Variants in CD9 observed in about 807,000 individuals in gnomAD.
CD9 encodes the protein CD9 molecule.
In CD9, 10 loss-of-function variants were observed where a neutral mutation model predicts 31.4. That is an observed-to-expected ratio of 0.32 (90% confidence interval 0.20 to 0.54). CD9 has a LOEUF of 0.54. Among genes scored for constraint, CD9 ranks in the 20% least tolerant of loss-of-function variants. CD9 has a pLI of 0.94. For missense variants in CD9, 259 were observed against 300.1 expected (o/e 0.86, Z 1.01); for synonymous variants, 113 against 114.1 (o/e 0.99, Z 0.06).
intron 1 of CD9, among the ~76,000 whole-genome samples, chr12:6,216,249 T>G (rs1374191471): frequency 1.3e-5 from 2 of 152,208 alleles, no homozygotes; most frequent in East Asian, 3.9e-4. Flanking sequence ...AGGGCCTATC[T>G]CCACTTCTGT....
chr12:6,201,449 C>A (rs1336413145), intron 1 of CD9, among the ~76,000 whole-genome samples: 1 of 152,220 alleles, frequency 6.6e-6, no homozygotes, highest in Non-Finnish European at 1.5e-5. Context: ...TCCCCGCCAG[C>A]CCAGGCGGCC....
At position 6,235,399 on chromosome 12, in the gene CD9, A is replaced by G. The variant is rs112835957; in HGVS notation, c.447+72A>G. The G allele has an allele frequency of 1.3e-5, 21 of 1,614,064 alleles. No homozygotes were observed. In the African/African-American group the frequency reaches 1.6e-4, roughly 12 times the overall value. On this transcript the variant is annotated intron_variant, in intron 5 of 7. Coordinates refer to ENST00000009180, the MANE Select transcript of CD9 (RefSeq NM_001769.4). ...TGTCTGCACACAGGGTGCTGACTGC[A>G]CCAGACCAGTGCAAACATTCTAATC...
At chr12:6,215,806 G>A (rs565673658) in intron 1 of CD9, among the ~76,000 whole-genome samples, 29 of 152,216 alleles carry the variant, frequency 1.9e-4, no homozygotes, top group African/African-American at 6.0e-4. Context: ...TAGAAATTCC[G>A]CCATGAGCTA....
At chr12:6,233,658 G>A (rs1010891701) in intron 4 of CD9, among the ~76,000 whole-genome samples, 172 bp downstream of exon 4, 4 of 152,130 alleles carry the variant, frequency 2.6e-5, no homozygotes, top group African/African-American at 9.7e-5. Context: ...GGCAGGGAAT[G>A]TCAGTGCGCT....
Position 6,235,246 on chromosome 12 carries a change from G to T in CD9, c.366G>T (p.Gln122His). Residue 122 changes from glutamine (Q) to histidine (H), a missense_variant, in exon 5 of 8, where the codon CAG (glutamine) becomes CAT (histidine). Gln to His is a conservative substitution (Grantham distance 24). Transcript: ENST00000009180. ...CATTGTAGGTGATTAAGGAAGTCCA[G>T]GAGTTTTACAAGGACACCTACAACA... is the stretch of plus-strand genomic sequence containing the variant. ...SHKDEVIKEV[Q>H]EFYKDTYNKL... 1 of 1,607,254 alleles carries T rather than the reference G, an allele frequency of 6.2e-7. No individual in the cohort carries two copies. Among genetic ancestry groups the T allele is most frequent in the South Asian group, 1.1e-5 (1 of 91,016 alleles).
At chr12:6,213,545 A>G (rs1041733094) in intron 1 of CD9, among the ~76,000 whole-genome samples, 12 of 152,244 alleles carry the variant, frequency 7.9e-5, no homozygotes, top group Non-Finnish European at 1.3e-4. Flanking sequence ...CTTCATGTCC[A>G]CACCAAGAAG....
intron 1 of CD9, among the ~76,000 whole-genome samples, chr12:6,209,845 C>T (rs551793811): frequency 4.6e-5 from 7 of 152,110 alleles, no homozygotes; most frequent in South Asian, 2.1e-4. Context: ...CCACCATGCC[C>T]GGCTAATTTT....
chr12:6,236,557 G>T, intron 7 of CD9: 2 of 496,406 alleles, frequency 4.0e-6, no homozygotes, highest in Non-Finnish European at 7.1e-6. Context: ...GGCAGTGCTG[G>T]CACTGCTAGT....
At chr12:6,233,162 T>C in intron 3 of CD9, 1 of 669,442 alleles carries the variant, frequency 1.5e-6, no homozygotes, top group Admixed American at 2.2e-5. Context: ...TTGTAAATGC[T>C]AGTTCTGGGC....
intron 1 of CD9, among the ~76,000 whole-genome samples, chr12:6,223,508 G>A (rs186987677): frequency 3.3e-4 from 50 of 152,200 alleles, no homozygotes; most frequent in African/African-American, 1.1e-3. Flanking sequence ...TGATCCACCC[G>A]CCTCAGCCTT....
At chr12:6,215,906 G>T (rs532612882) in intron 1 of CD9, among the ~76,000 whole-genome samples, 2 of 152,298 alleles carry the variant, frequency 1.3e-5, no homozygotes, top group East Asian at 3.9e-4. Flanking sequence ...TCTTGTTCCC[G>T]GTGTTTACTG....
Position 6,232,576 on chromosome 12 carries a change from C to G in CD9, c.176-56C>G. The stretch of plus-strand genomic sequence containing the variant: ...AGGGAAACAGGAATTGCCGGAGATG[C>G]CTGGGCCTCTGAACTGATGTCTCCA... On this transcript the variant is annotated intron_variant, in intron 2 of 7. Transcript: ENST00000009180. The surrounding 1 kb of genome is among the most constrained non-coding windows in gnomAD (Gnocchi z 4.8). 2.8e-6 allele frequency: 3 copies of G among 1,082,900 alleles called. No individual in the cohort carries two copies. Among genetic ancestry groups the G allele is most frequent in the Non-Finnish European group, 2.7e-6 (2 of 727,340 alleles). The allele number at this position is 1,082,900 out of a possible 1,614,324, so 67.1% of individuals were successfully genotyped here.
Position 6,200,584 on chromosome 12 carries a change from C to T in CD9, c.66+19C>T, listed in dbSNP as rs565997727. The T allele has an allele frequency of 1.3e-6, 2 of 1,574,860 alleles. No individual in the cohort carries two copies. The highest frequency in any genetic ancestry group is 2.2e-5 in the East Asian group (1 of 44,568). On this transcript the variant is annotated intron_variant, in intron 1 of 7. Coordinates refer to ENST00000009180, the MANE Select transcript of CD9 (RefSeq NM_001769.4). The stretch of plus-strand genomic sequence containing the variant: ...CTTCTGGGTGAGTGAGCGCGACTGC[C>T]GCGCGCTCCTCTCAGGGCCCACCTG...
At chr12:6,225,336 A>C in intron 1 of CD9, 90 bp from the exon 2 acceptor site, 1 of 826,784 alleles carries the variant, frequency 1.2e-6, no homozygotes, top group Admixed American at 1.8e-5. Flanking sequence ...GGTGGTCACA[A>C]AGTCCTTTGC....
chr12:6,230,765 G>A lies in CD9; in HGVS notation c.176-1867G>A, dbSNP rs1018248605. Among the ~76,000 whole-genome samples the A allele has an allele frequency of 7.2e-5, 11 of 152,336 alleles. No individual in the cohort carries two copies. In the South Asian group the frequency reaches 1.0e-3, roughly 14 times the overall value. ...AGCGTTTGACTGCCCAGGAAGATGCGACCTGACTTGAGGACAAGCTACATT... is the reference window on the plus strand; with the variant it reads ...AGCGTTTGACTGCCCAGGAAGATGCAACCTGACTTGAGGACAAGCTACATT... On this transcript the variant is annotated intron_variant, in intron 2 of 7. Coordinates refer to ENST00000009180, the MANE Select transcript of CD9 (RefSeq NM_001769.4).
chr12:6,215,809 A>G (rs1332747711), intron 1 of CD9, among the ~76,000 whole-genome samples: 4 of 152,232 alleles, frequency 2.6e-5, no homozygotes, highest in Non-Finnish European at 4.4e-5. Flanking sequence ...AAATTCCGCC[A>G]TGAGCTATTA....
chr12:6,236,287 G>A lies in CD9; in HGVS notation c.621+12G>A, dbSNP rs1309010675. ...TTGCCGTGGTCATGGTGAGTGGCAG[G>A]ACGTCGTCCCAGGAGGGGGACTGAG... On this transcript the variant is annotated intron_variant, in intron 7 of 7. Transcript: ENST00000009180. The A allele has an allele frequency of 6.2e-7, 1 of 1,613,020 alleles. No individual in the cohort carries two copies. Among genetic ancestry groups the A allele is most frequent in the African/African-American group, 1.3e-5 (1 of 74,910 alleles).
At position 6,205,262 on chromosome 12, in the gene CD9, C is replaced by T. The variant is rs763705678; in HGVS notation, c.66+4697C>T. Among the ~76,000 whole-genome samples the T allele has an allele frequency of 3.3e-5, 5 of 152,184 alleles. No homozygotes were observed. The South Asian group carries it at 1.0e-3, about 31-fold the overall frequency. ...TTTGCCCAGGATTTTGATGGTCTCT[C>T]CCCTACACCCACAGTGGGTGTGAAC... On this transcript the variant is annotated intron_variant, in intron 1 of 7. Coordinates refer to ENST00000009180, the MANE Select transcript of CD9 (RefSeq NM_001769.4).
intron 4 of CD9, 120 bp downstream of exon 4, chr12:6,233,606 T>C: frequency 1.3e-6 from 1 of 745,616 alleles, no homozygotes; most frequent in Non-Finnish European, 2.3e-6. Flanking sequence ...AGGCCTCTTA[T>C]CTCATCGCGT....
Sources: allele counts gnomAD v4.1 joint callset (sites outside exome capture counted in the v4.1 genomes callset), GRCh38; gene constraint gnomAD v4.1.1; non-coding constraint Gnocchi (gnomAD v3.1); transcripts MANE v1.5; gene names NCBI Gene and HGNC (gene_info 2026-07-23, HGNC 2026-07-21).